Variants in CAPN15 observed in about 807,000 individuals in gnomAD.
CAPN15 encodes calpain-15.
Under a neutral mutation model 97.9 loss-of-function variants are expected in CAPN15, and 53 were observed. The ratio of observed to expected loss-of-function variants is 0.54; its 90% confidence interval spans 0.43 to 0.68. The LOEUF is 0.68. CAPN15 is among the 30% of genes least tolerant of loss of function. The pLI is 0.00. For synonymous variants in CAPN15, 922 were observed against 722.5 expected (o/e 1.28, Z -4.43); for missense variants, 1,592 against 1,589.8 (o/e 1.00, Z -0.02).
rs546003302 is a variant in CAPN15, at chr16:530,269, A to C, written c.-190+2240A>C. 1.1e-4 allele frequency among the ~76,000 whole-genome samples: 16 copies of C among 152,272 alleles called. 2 individuals carry two copies. In the South Asian group the frequency reaches 3.1e-3, roughly 30 times the overall value. On this transcript the variant is annotated intron_variant, in intron 1 of 13. Transcript: ENST00000219611. ...TGTCTCCCTGCTGGATGTGGCGCCG[A>C]GGGCAGGGTCCGTTTCTGTTTCTTG...
intron 1 of CAPN15, among the ~76,000 whole-genome samples, chr16:528,326 G>T (rs2033000690): frequency 3.3e-5 from 5 of 152,190 alleles, no homozygotes. Flanking sequence ...CTTGAGGCCA[G>T]CCCCGGGGGC....
intron 3 of CAPN15, chr16:540,086 T>C (rs72767839): frequency 0.076 from 74,679 of 985,112 alleles, 3,007 homozygotes; most frequent in South Asian, 0.091. Flanking sequence ...TGTGTCACTC[T>C]GCCCAGCCGG....
chr16:552,925 G>A lies in CAPN15; in HGVS notation c.2967G>A (p.Val989=), dbSNP rs1567162220. 6.2e-7 allele frequency: 1 copy of A among 1,611,918 alleles called. No individual in the cohort carries two copies. Among genetic ancestry groups the A allele is most frequent in the Non-Finnish European group, 8.5e-7 (1 of 1,179,472 alleles). The change falls in exon 13 of 14, where the codon GTG becomes GTA. Residue 989 remains valine (V), a synonymous_variant. Transcript: ENST00000219611. The surrounding 1 kb of genome is among the most constrained non-coding windows in gnomAD (Gnocchi z 6.4). The part of the protein sequence containing the change: ...THGWAGLIVV[V]ENRHPKAYLH... Reference sequence around the variant, plus strand: ...GTTGGGCGGGGCTCATCGTGGTGGTGGAGAACCGACACCCCAAGGCCTACC... The same window carrying A: ...GTTGGGCGGGGCTCATCGTGGTGGTAGAGAACCGACACCCCAAGGCCTACC...
chr16:543,686 C>A (rs551809925), intron 3 of CAPN15, among the ~76,000 whole-genome samples: 1 of 152,150 alleles, frequency 6.6e-6, no homozygotes, highest in East Asian at 1.9e-4. Context: ...GAGCGGTGGG[C>A]GAGCAGACTG....
chr16:534,728 T>C (rs1020354309), intron 2 of CAPN15, among the ~76,000 whole-genome samples: 1 of 152,146 alleles, frequency 6.6e-6, no homozygotes, highest in Non-Finnish European at 1.5e-5. Context: ...TAGGGCGCAG[T>C]GGGGTTGCCG....
In CAPN15 at chr16:551,940, A is replaced by G. The variant is rs1410733330; in HGVS notation, c.2346-111A>G. ...GGGGCCGGGCTGCAAGAGGACGGTGACGGAGCAGCTGGCACCTGCTGGGGT... is the reference window on the plus strand; with the variant it reads ...GGGGCCGGGCTGCAAGAGGACGGTGGCGGAGCAGCTGGCACCTGCTGGGGT... On this transcript the variant is annotated intron_variant, in intron 9 of 13. Coordinates refer to ENST00000219611, the MANE Select transcript of CAPN15 (RefSeq NM_005632.3). The G allele has an allele frequency of 1.9e-5, 23 of 1,220,624 alleles. No homozygotes were observed. In the South Asian group the frequency reaches 2.0e-4, roughly 11 times the overall value. The allele number at this position is 1,220,624 out of a possible 1,614,324, so 75.6% of individuals were successfully genotyped here.
chr16:529,888 A>ACC (rs2033124575), intron 1 of CAPN15, among the ~76,000 whole-genome samples: 1 of 152,164 alleles, frequency 6.6e-6, no homozygotes, highest in African/African-American at 2.4e-5. Flanking sequence ...TGGTTTCCTC[A>ACC]TAAGACACAG....
Position 547,598 on chromosome 16 carries a change from C to G in CAPN15, c.760C>G (p.Gln254Glu), listed in dbSNP as rs112248676. The change falls in exon 4 of 14, where the codon CAG becomes GAG. Residue 254 changes from glutamine (Q) to glutamate (E), a missense_variant. This residue lies in a region of CAPN15 where 883 missense variants were observed against 776.6 expected (regional missense o/e 1.14). Transcript: ENST00000219611. ...GCGCAGCCGACGCGAGGTTCCCCCCCAGCTGCAGCCACCGGTGCCTGAGGC... is the reference window on the plus strand; with the variant it reads ...GCGCAGCCGACGCGAGGTTCCCCCCGAGCTGCAGCCACCGGTGCCTGAGGC... Reference protein sequence around the residue: ...VPRSRREVPPQLQPPVPEAAQ... With the variant: ...VPRSRREVPPELQPPVPEAAQ... The G allele has an allele frequency of 1.9e-6, 3 of 1,574,790 alleles. No homozygotes were observed. Among genetic ancestry groups the G allele is most frequent in the South Asian group, 2.2e-5 (2 of 89,280 alleles).
At chr16:548,843 C>T in intron 4 of CAPN15, 150 bp from the exon 5 acceptor site, 3 of 736,844 alleles carry the variant, frequency 4.1e-6, no homozygotes, top group Non-Finnish European at 6.9e-6. Context: ...CGACACAGGG[C>T]CGGCGCCAGG....
intron 3 of CAPN15, chr16:537,044 C>A (rs748012002): frequency 1.5e-6 from 1 of 672,410 alleles, no homozygotes; most frequent in Non-Finnish European, 1.8e-6. Context: ...CTCTGGAGAT[C>A]CCCTGGCGTG....
At chr16:532,369 C>G (rs1005498814) in intron 1 of CAPN15, among the ~76,000 whole-genome samples, 1 of 144,618 alleles carries the variant, frequency 6.9e-6, no homozygotes, top group South Asian at 2.2e-4. Context: ...GCATGGCCAA[C>G]GTGACGAAAC....
rs192194884 is a variant in CAPN15, at chr16:549,528, C to T, written c.1842+57C>T. On this transcript the variant is annotated intron_variant, in intron 6 of 13. Transcript: ENST00000219611. Reference sequence around the variant, plus strand: ...CAGGGGCAGCCTCTGACCCCAGCCCCGAAAACAAGGCCGGCTGCTTCCTCT... The same window carrying T: ...CAGGGGCAGCCTCTGACCCCAGCCCTGAAAACAAGGCCGGCTGCTTCCTCT... The T allele has an allele frequency of 1.6e-3, 2,360 of 1,482,698 alleles. 35 individuals are homozygous for T. The African/African-American group carries it at 0.031, about 19-fold the overall frequency. 91.8% of individuals were successfully genotyped at this position (1,482,698 alleles called of 1,614,324 possible).
intron 4 of CAPN15, among the ~76,000 whole-genome samples, chr16:548,636 C>T (rs1025471131): frequency 6.6e-6 from 1 of 152,250 alleles, no homozygotes; most frequent in African/African-American, 2.4e-5. Context: ...GGGATGTACC[C>T]GTGCTCCGCC....
chr16:529,607 C>A (rs1051229118), intron 1 of CAPN15, among the ~76,000 whole-genome samples: 1 of 152,238 alleles, frequency 6.6e-6, no homozygotes, highest in Non-Finnish European at 1.5e-5. Flanking sequence ...GGGCCTGAGC[C>A]GCTCAGTGAA....
chr16:536,503 A>G (rs1442015336), intron 3 of CAPN15, among the ~76,000 whole-genome samples: 2 of 150,216 alleles, frequency 1.3e-5, no homozygotes, highest in African/African-American at 4.9e-5. Context: ...GCTCACTGCA[A>G]CCTCCGCCTC....
intron 3 of CAPN15, among the ~76,000 whole-genome samples, chr16:545,006 G>A (rs1013816652): frequency 1.1e-4 from 17 of 148,948 alleles, no homozygotes; most frequent in Non-Finnish European, 2.4e-4. Context: ...CTTCAGGAGC[G>A]TTCTGGGTTG....
rs932952481 is a variant in CAPN15 at position 536,162 on chromosome 16, G to A, written c.-23+20G>A. Reference sequence around the variant, plus strand: ...TGGCAGGTGAGCGTTCCTCCCAAGAGCCTCTGGCTGGCCGCAGCAGGCCCT... The same window carrying A: ...TGGCAGGTGAGCGTTCCTCCCAAGAACCTCTGGCTGGCCGCAGCAGGCCCT... On this transcript the variant is annotated intron_variant, in intron 3 of 13. Transcript: ENST00000219611. 6 of 833,100 alleles carry A rather than the reference G, an allele frequency of 7.2e-6. No homozygotes were observed. In the African/African-American group the frequency reaches 9.3e-5, roughly 13 times the overall value. 51.6% of individuals were successfully genotyped at this position (833,100 alleles called of 1,614,324 possible).
Position 547,690 on chromosome 16 carries a change from C to T in CAPN15, c.852C>T (p.Ser284=), listed in dbSNP as rs761388421. 7.5e-6 allele frequency: 12 copies of T among 1,592,372 alleles called. No homozygotes were observed. Among genetic ancestry groups the T allele is most frequent in the East Asian group, 2.3e-5 (1 of 44,384 alleles). ...APQGSGWAGA[S]RLAELLSGKR... ...AGGGCTCGGGCTGGGCTGGGGCCTC[C>T]CGCCTAGCAGAGTTGCTGTCTGGCA... is the stretch of plus-strand genomic sequence containing the variant. Residue 284 remains serine, a synonymous_variant, in exon 4 of 14, where the codon TCC becomes TCT. Coordinates refer to ENST00000219611, the MANE Select transcript of CAPN15 (RefSeq NM_005632.3).
intron 9 of CAPN15, 165 bp from the exon 10 acceptor site, chr16:551,886 C>G (rs769987777): frequency 3.1e-6 from 3 of 978,444 alleles, no homozygotes; most frequent in Non-Finnish European, 3.2e-6. Context: ...GGAGGGCTTC[C>G]TATTATAGGC....
Sources: gnomAD v4.1 joint callset for allele counts (sites outside exome capture counted in the v4.1 genomes callset) on GRCh38, gnomAD v4.1.1 for gene constraint, gnomAD v4.1.1 regional missense constraint, Gnocchi (gnomAD v3.1) non-coding constraint, MANE v1.5 for transcripts, NCBI Gene and HGNC (gene_info 2026-07-23, HGNC 2026-07-21) for gene names.